BBX: variants seen among roughly 807,000 people sequenced by gnomAD.
The protein encoded by BBX is BBX high mobility group box domain containing, also known as HMG box transcription factor BBX.
A neutral mutation model predicts 100.2 loss-of-function variants in BBX; 30 were observed. That is an observed-to-expected ratio of 0.30 (90% CI 0.22 to 0.41). The LOEUF (loss-of-function observed/expected upper bound fraction) is 0.41. Ranked by LOEUF, BBX falls within the 10% of genes least tolerant of loss-of-function variation. The pLI is 1.00. For synonymous variants in BBX, 376 were observed against 388.1 expected (o/e 0.97, Z 0.37); for missense variants, 1,023 against 1,129.8 (o/e 0.91, Z 1.35).
At chr3:107,637,609 C>T (rs1003252826) in intron 2 of BBX, among the ~76,000 whole-genome samples, 4 of 152,182 alleles carry the variant, frequency 2.6e-5, no homozygotes, top group African/African-American at 9.7e-5. Flanking sequence ...TCTTATCTGC[C>T]TCCAACATTC....
At chr3:107,560,207 GA>G (rs5851558) in intron 2 of BBX, among the ~76,000 whole-genome samples, 18,568 of 143,910 alleles carry the variant, frequency 0.13, 1,226 homozygotes, top group African/African-American at 0.16. Context: ...TGGGAAACAT[GA>G]AAAAAAAAAA....
intron 3 of BBX, among the ~76,000 whole-genome samples, chr3:107,655,846 G>A (rs1031620603): frequency 6.6e-6 from 1 of 151,704 alleles, no homozygotes; most frequent in Non-Finnish European, 1.5e-5. Flanking sequence ...GACTACAGGC[G>A]CCCACCACCA....
intron 3 of BBX, 74 bp from the exon 4 acceptor site, chr3:107,710,378 T>G: frequency 8.1e-7 from 1 of 1,228,684 alleles, no homozygotes; most frequent in Non-Finnish European, 1.1e-6. Context: ...TGTAATCAAA[T>G]TTACTTTGAT....
chr3:107,547,156 A>G (rs556533293), intron 2 of BBX, among the ~76,000 whole-genome samples: 1 of 152,156 alleles, frequency 6.6e-6, no homozygotes, highest in East Asian at 1.9e-4. Context: ...AACATCCTCA[A>G]TTTTTTTTGT....
At chr3:107,687,411 T>C (rs1196737180) in intron 3 of BBX, among the ~76,000 whole-genome samples, 2 of 151,712 alleles carry the variant, frequency 1.3e-5, no homozygotes, top group Admixed American at 1.3e-4. Flanking sequence ...ATTTTTCTTG[T>C]AGAGAATGGA....
intron 3 of BBX, chr3:107,659,672 TG>T: frequency 8.4e-7 from 1 of 1,197,088 alleles, no homozygotes; most frequent in South Asian, 1.3e-5. Context: ...CTGCAGGGTT[TG>T]TTCTCCTAAC....
Position 107,731,224 on chromosome 3 carries a change from C to A in BBX, c.602-1732C>A, listed in dbSNP as rs532783289. Among the ~76,000 whole-genome samples, 17 of 152,212 alleles carry A rather than the reference C, an allele frequency of 1.1e-4. No homozygotes were observed. The Middle Eastern group carries it at 0.01, about 91-fold the overall frequency. On this transcript the variant is annotated intron_variant, in intron 6 of 17. Transcript: ENST00000325805. ...GGCCTATGTTTTAGTATCTATACAG[C>A]AAACTTCTTGCAAAGTCACATTGGT...
chr3:107,559,097 C>T (rs1434684621), intron 2 of BBX, among the ~76,000 whole-genome samples: 1 of 152,138 alleles, frequency 6.6e-6, no homozygotes, highest in Non-Finnish European at 1.5e-5. Flanking sequence ...TTTGGCTTAT[C>T]AAAGAGAGTT....
intron 2 of BBX, among the ~76,000 whole-genome samples, chr3:107,572,454 A>G (rs900697626): frequency 6.6e-6 from 1 of 152,188 alleles, no homozygotes; most frequent in African/African-American, 2.4e-5. Context: ...GGAGATTCTC[A>G]TGTATTAAAA....
At chr3:107,651,999 C>T (rs1488858312) in intron 3 of BBX, among the ~76,000 whole-genome samples, 1 of 152,194 alleles carries the variant, frequency 6.6e-6, no homozygotes, top group Non-Finnish European at 1.5e-5. Context: ...GAACCCATGA[C>T]TGAATTCTCT....
intron 10 of BBX, among the ~76,000 whole-genome samples, chr3:107,757,527 T>C (rs1048396000): frequency 2.6e-5 from 4 of 152,192 alleles, no homozygotes; most frequent in African/African-American, 4.8e-5. Flanking sequence ...ATTTATACTT[T>C]TGATTAAACA....
At chr3:107,539,023 C>T (rs1240988392) in intron 2 of BBX, among the ~76,000 whole-genome samples, 5 of 152,058 alleles carry the variant, frequency 3.3e-5, no homozygotes, top group Non-Finnish European at 7.4e-5. Context: ...CTCCTGGGCT[C>T]AAGTGATCCT....
chr3:107,707,372 G>A (rs1404100627), intron 3 of BBX, among the ~76,000 whole-genome samples: 1 of 152,176 alleles, frequency 6.6e-6, no homozygotes, highest in Non-Finnish European at 1.5e-5. Context: ...TAATCTTGAA[G>A]CTATCCTGGA....
chr3:107,743,918 G>GTTTTTTTTTTTTTTTTTTTTTTA (rs2064328593), intron 7 of BBX, among the ~76,000 whole-genome samples: 8 of 56,622 alleles, frequency 1.4e-4, no homozygotes, highest in Admixed American at 2.6e-4. Flanking sequence ...TGTTTTAGTG[G>GTTTTTTTTTTTTTTTTTTTTTTA]TTTTTTTTTT....
intron 3 of BBX, among the ~76,000 whole-genome samples, chr3:107,676,042 T>C (rs980097935): frequency 6.6e-6 from 1 of 152,140 alleles, no homozygotes; most frequent in Admixed American, 6.6e-5. Context: ...TATCACACAG[T>C]AGGAATGCCC....
At chr3:107,756,563 A>T (rs939808534) in intron 10 of BBX, among the ~76,000 whole-genome samples, 1 of 152,176 alleles carries the variant, frequency 6.6e-6, no homozygotes, top group Non-Finnish European at 1.5e-5. Flanking sequence ...GCTAAATTTT[A>T]TGGTAATTTG....
intron 2 of BBX, among the ~76,000 whole-genome samples, chr3:107,559,892 A>G (rs969628398): frequency 2.0e-5 from 3 of 152,132 alleles, no homozygotes; most frequent in African/African-American, 4.8e-5. Context: ...CCACAGCCAT[A>G]CAACACATGC....
rs559105308 is a variant in BBX at position 107,696,133 on chromosome 3, G to C, written c.-9-14319G>C. Among the ~76,000 whole-genome samples, 5 of 151,656 alleles carry C rather than the reference G, an allele frequency of 3.3e-5. 1 individual carries two copies. The highest frequency in any genetic ancestry group is 1.2e-4 in the African/African-American group (5 of 40,986). On this transcript the variant is annotated intron_variant, in intron 3 of 17. Coordinates refer to ENST00000325805, the MANE Select transcript of BBX (RefSeq NM_001142568.3). ...TTTCCTGAATATAGCACACTGATGG[G>C]TCTTGACTCTTTATCCAATTTGCCA...
At chr3:107,527,451 T>C (rs963233663) in intron 2 of BBX, among the ~76,000 whole-genome samples, 4 of 152,228 alleles carry the variant, frequency 2.6e-5, no homozygotes, top group African/African-American at 9.6e-5. Flanking sequence ...AACAAAATTA[T>C]TGTCTTTGTA....
Sources: allele counts gnomAD v4.1 joint callset (sites outside exome capture counted in the v4.1 genomes callset), GRCh38; gene constraint gnomAD v4.1.1; transcripts MANE v1.5; gene names NCBI Gene and HGNC (gene_info 2026-07-23, HGNC 2026-07-21).